The following CSF2RB variants were observed in gnomAD, a reference collection of about 807,000 sequenced individuals.
CSF2RB encodes colony stimulating factor 2 receptor subunit beta.
In CSF2RB, 22 loss-of-function variants were observed where a neutral mutation model predicts 67.2. That is an observed-to-expected ratio of 0.33 (90% CI 0.23 to 0.47). The LOEUF (loss-of-function observed/expected upper bound fraction) is 0.47. Among genes scored for constraint, CSF2RB ranks in the 20% least tolerant of loss-of-function variants. The pLI is 1.00. For missense variants in CSF2RB, 1,113 were observed against 1,174.5 expected, an observed-to-expected ratio of 0.95 and a Z score of 0.76; for synonymous variants, 507 against 482.9, an observed-to-expected ratio of 1.05 and a Z score of -0.65.
Position 36,937,793 on chromosome 22 carries a change from C to T in CSF2RB, c.1985C>T (p.Ala662Val). ...VEVERRPSQG[A>V]AGSPSLESGG... ...GTGGAGAGAAGGCCGAGCCAGGGGG[C>T]TGCAGGGAGTCCCTCCCTGGAGTCC... The change falls in exon 14 of 14, where the codon GCT (alanine) becomes GTT (valine). Residue 662 changes from alanine to valine, a missense_variant. By Grantham distance (64) the Ala-to-Val change is moderately conservative. Around this residue, in one of 2 missense-constraint regions of CSF2RB, gnomAD observed 554 missense variants for 517.9 expected, o/e 1.07. Coordinates refer to ENST00000403662, the MANE Select transcript of CSF2RB (RefSeq NM_000395.3). The surrounding 1 kb of genome is among the most constrained non-coding windows in gnomAD (Gnocchi z 4.6). The T allele has an allele frequency of 6.3e-7, 1 of 1,590,778 alleles. No individual in the cohort carries two copies. Among genetic ancestry groups the T allele is most frequent in the South Asian group, 1.1e-5 (1 of 88,682 alleles).
intron 9 of CSF2RB, 41 bp from the exon 10 acceptor site, chr22:36,933,791 C>T (rs756002835): frequency 2.2e-5 from 34 of 1,579,734 alleles, no homozygotes; most frequent in Non-Finnish European, 2.8e-5. Flanking sequence ...GCTGCTCCCA[C>T]GGGCACCGGG....
intron 5 of CSF2RB, 27 bp downstream of exon 5, chr22:36,929,586 AGCCC>A: frequency 2.5e-6 from 4 of 1,614,136 alleles, no homozygotes; most frequent in Non-Finnish European, 3.4e-6. Context: ...GCTCTGCCCC[AGCCC>A]GAAGGGATGG....
At chr22:36,931,119 T>A (rs986215051) in intron 8 of CSF2RB, among the ~76,000 whole-genome samples, 3 of 152,238 alleles carry the variant, frequency 2.0e-5, no homozygotes, top group African/African-American at 4.8e-5. Flanking sequence ...CTCCTGGTCC[T>A]GTCACCAAAA....
intron 4 of CSF2RB, among the ~76,000 whole-genome samples, 163 bp from the exon 5 acceptor site, chr22:36,929,239 G>T (rs1941091814): frequency 6.6e-6 from 1 of 152,234 alleles, no homozygotes; most frequent in Non-Finnish European, 1.5e-5. Context: ...TTTTGCAGAT[G>T]AAGGGCTGAG....
intron 2 of CSF2RB, chr22:36,922,876 A>C (rs992098949): frequency 2.8e-6 from 1 of 354,920 alleles, no homozygotes; most frequent in African/African-American, 2.1e-5. Context: ...GCCACGCTGC[A>C]TCCCAGGGCT....
chr22:36,932,389 C>G (rs548633391), intron 8 of CSF2RB, among the ~76,000 whole-genome samples: 2 of 142,890 alleles, frequency 1.4e-5, no homozygotes, highest in African/African-American at 5.2e-5. Context: ...TAGCCAAGAT[C>G]ACACCACTGC....
rs1941244901 is a variant in CSF2RB, at chr22:36,935,389, C to T, written c.1354C>T (p.Leu452Phe). Residue 452 changes from leucine to phenylalanine, a missense_variant, in exon 11 of 14, where the codon CTC becomes TTC. Coordinates refer to ENST00000403662, the MANE Select transcript of CSF2RB (RefSeq NM_000395.3). ...GGTGCTGGCCCTCATCGTGATCTTC[C>T]TCACCATCGCTGTGCTCCTGGCCCT... The part of the protein sequence containing the change: ...MWVLALIVIF[L>F]TIAVLLALRF... 6.2e-7 allele frequency: 1 copy of T among 1,614,200 alleles called. No homozygotes were observed. Among genetic ancestry groups the T allele is most frequent in the Non-Finnish European group, 8.5e-7 (1 of 1,180,040 alleles).
In CSF2RB at chr22:36,932,892, G is replaced by A. The variant is rs780806811; in HGVS notation, c.1140G>A (p.Thr380=). The change falls in exon 9 of 14, where the codon ACG becomes ACA. Residue 380 remains threonine (T), a synonymous_variant. Transcript: ENST00000403662. ...TTGAGATCCAGTACAGGAAAGACACGGCCACGTGGAAGGTGAGGGCCTTTG... is the reference window on the plus strand; with the variant it reads ...TTGAGATCCAGTACAGGAAAGACACAGCCACGTGGAAGGTGAGGGCCTTTG... ...HTFEIQYRKD[T]ATWKDSKTET... 2.9e-5 allele frequency: 46 copies of A among 1,613,966 alleles called. No homozygotes were observed. Among genetic ancestry groups the A allele is most frequent in the East Asian group, 6.7e-5 (3 of 44,902 alleles).
In CSF2RB at chr22:36,929,500, T is replaced by G; in HGVS notation, c.490T>G (p.Leu164Val). ...CCTTGGGAGTCCCCAGAGCCACTGG[T>G]TGTCCCCAGGGGATCTGGAGTTTGA... ...VALGSPQSHW[L>V]SPGDLEFEVV... The change falls in exon 5 of 14, where the codon TTG becomes GTG. Residue 164 changes from leucine (L) to valine (V), a missense_variant. This residue lies in a region of CSF2RB where 559 missense variants were observed against 656.5 expected (regional missense o/e 0.85). Transcript: ENST00000403662. 6.2e-7 allele frequency: 1 copy of G among 1,614,174 alleles called. No individual in the cohort carries two copies. Among genetic ancestry groups the G allele is most frequent in the Middle Eastern group, 1.6e-4 (1 of 6,062 alleles).
chr22:36,935,715 G>A (rs1003533636), intron 12 of CSF2RB, 28 bp downstream of exon 12: 2 of 1,605,298 alleles, frequency 1.2e-6, no homozygotes, highest in Non-Finnish European at 1.7e-6. Flanking sequence ...GGGGCGGAGT[G>A]GGGGCTTCTC....
At chr22:36,919,152 T>G (rs1309321788) in intron 1 of CSF2RB, among the ~76,000 whole-genome samples, 3 of 152,210 alleles carry the variant, frequency 2.0e-5, no homozygotes, top group Admixed American at 6.5e-5. Flanking sequence ...GCTAAAACCT[T>G]GGCTTCTGTT....
rs1262730636 is a variant in CSF2RB, at chr22:36,938,160, T to A, written c.2352T>A (p.Pro784=). 2 of 1,614,008 alleles carry A rather than the reference T, an allele frequency of 1.2e-6. No individual in the cohort carries two copies. The highest frequency in any genetic ancestry group is 1.7e-6 in the Non-Finnish European group (2 of 1,179,998). ...GRSPRSPRNN[P]VPPEAKSPVL... ...CCCCCAGGTCACCAAGGAACAATCC[T>A]GTCCCCCCTGAGGCCAAAAGCCCTG... Residue 784 remains proline, a synonymous_variant, in exon 14 of 14, where the codon CCT becomes CCA. Transcript: ENST00000403662.
intron 1 of CSF2RB, among the ~76,000 whole-genome samples, chr22:36,919,665 C>T (rs1017900263): frequency 4.6e-5 from 7 of 152,040 alleles, no homozygotes; most frequent in African/African-American, 1.7e-4. Context: ...CCCACCTTGG[C>T]CTCCCAAAGT....
Position 36,935,332 on chromosome 22 carries a change from T to C in CSF2RB, c.1316-19T>C. On this transcript the variant is annotated intron_variant, in intron 10 of 13. Coordinates refer to ENST00000403662, the MANE Select transcript of CSF2RB (RefSeq NM_000395.3). ...CCGCCCAGATGCTGACATTCCTCTT[T>C]CTCCCCGGCTGCTGGAAGTGCTGCC... The C allele has an allele frequency of 6.2e-7, 1 of 1,613,604 alleles. No homozygotes were observed. Among genetic ancestry groups the C allele is most frequent in the Non-Finnish European group, 8.5e-7 (1 of 1,179,558 alleles).
chr22:36,923,221 C>T (rs1335018889), intron 2 of CSF2RB, 23 bp from the exon 3 acceptor site: 2 of 1,614,086 alleles, frequency 1.2e-6, no homozygotes, highest in Admixed American at 1.7e-5. Context: ...AGAGAGGTGA[C>T]CCCCTTCTAC....
Position 36,926,105 on chromosome 22 carries a change from G to A in CSF2RB, c.319G>A (p.Asp107Asn), listed in dbSNP as rs1941010564. Reference protein sequence around the residue: ...VIPCQSFVVTDVDYFSFQPDR... With the variant: ...VIPCQSFVVTNVDYFSFQPDR... Reference sequence around the variant, plus strand: ...TCCCTGCCAGAGTTTTGTCGTCACTGACGTTGACTACTTCTCATTCCAACC... The same window carrying A: ...TCCCTGCCAGAGTTTTGTCGTCACTAACGTTGACTACTTCTCATTCCAACC... Residue 107 changes from aspartate to asparagine, a missense_variant, in exon 4 of 14, where the codon GAC becomes AAC. Around this residue, in one of 2 missense-constraint regions of CSF2RB, gnomAD observed 559 missense variants for 656.5 expected, o/e 0.85. Coordinates refer to ENST00000403662, the MANE Select transcript of CSF2RB (RefSeq NM_000395.3). 6.2e-7 allele frequency: 1 copy of A among 1,614,090 alleles called. No individual in the cohort carries two copies. Among genetic ancestry groups the A allele is most frequent in the Admixed American group, 1.7e-5 (1 of 59,994 alleles).
At position 36,929,704 on chromosome 22, in the gene CSF2RB, C is replaced by A; in HGVS notation, c.615C>A (p.Ser205Arg). ...TGGGGCCAGAGCACCTCATGCCCAG[C>A]AGCACCTACGTGGCCCGAGTACGGA... ...ATLGPEHLMPSSTYVARVRTR... is the reference protein window; with the variant it reads ...ATLGPEHLMPRSTYVARVRTR... The change falls in exon 6 of 14, where the codon AGC becomes AGA. Residue 205 changes from serine to arginine, a missense_variant. Physicochemically the swap from Ser to Arg is moderately radical, Grantham distance 110. Around this residue, in one of 2 missense-constraint regions of CSF2RB, gnomAD observed 559 missense variants for 656.5 expected, o/e 0.85. Transcript: ENST00000403662. The A allele has an allele frequency of 6.2e-7, 1 of 1,614,240 alleles. No homozygotes were observed. Among genetic ancestry groups the A allele is most frequent in the Non-Finnish European group, 8.5e-7 (1 of 1,180,046 alleles).
In CSF2RB at chr22:36,938,683, G is replaced by C; in HGVS notation, c.*181G>C. 1.6e-6 allele frequency: 1 copy of C among 624,646 alleles called. No individual in the cohort carries two copies. Among genetic ancestry groups the C allele is most frequent in the Admixed American group, 2.9e-5 (1 of 33,966 alleles). 38.7% of individuals were successfully genotyped at this position (624,646 alleles called of 1,614,324 possible). ...TTCAGCAAATCACTTCTCTCCCTGC[G>C]CTCACACAGACACACACACACACAC... On this transcript the variant is annotated 3_prime_UTR_variant, in exon 14 of 14. Transcript: ENST00000403662.
intron 4 of CSF2RB, 44 bp downstream of exon 4, chr22:36,926,221 G>T: frequency 6.3e-7 from 1 of 1,595,376 alleles, no homozygotes; most frequent in Non-Finnish European, 8.6e-7. Context: ...TTCCTGTGTG[G>T]ACAGCGGGGG....
Sources: allele counts gnomAD v4.1 joint callset (sites outside exome capture counted in the v4.1 genomes callset), GRCh38; gene constraint gnomAD v4.1.1; regional missense constraint gnomAD v4.1.1; non-coding constraint Gnocchi (gnomAD v3.1); transcripts MANE v1.5; gene names NCBI Gene and HGNC (gene_info 2026-07-23, HGNC 2026-07-21).